Variants in SLC9A9 observed in about 807,000 individuals in gnomAD.
The protein encoded by SLC9A9 is sodium/hydrogen exchanger 9.
A neutral mutation model predicts 77.8 loss-of-function variants in SLC9A9; 62 were observed. That is an observed-to-expected ratio of 0.80 (90% CI 0.65 to 0.98). The LOEUF (loss-of-function observed/expected upper bound fraction) is 0.98. Ranked by LOEUF, SLC9A9 falls within the 50% of genes least tolerant of loss-of-function variation. The pLI, the probability that SLC9A9 is intolerant of heterozygous loss-of-function variation, is 0.00. For synonymous variants in SLC9A9, 320 were observed against 283.5 expected (o/e 1.13, Z -1.29); for missense variants, 775 against 774.9 (o/e 1.00, Z 0.00).
Position 143,623,763 on chromosome 3 carries a change from T to C in SLC9A9, c.755+28492A>G, listed in dbSNP as rs55687369. ...AGCAGAAGGCAAGAAATAGCTAAGATCAGAGCAGAACTGAAGGAAATAGAG... is the reference window on the plus strand; with the variant it reads ...AGCAGAAGGCAAGAAATAGCTAAGACCAGAGCAGAACTGAAGGAAATAGAG... On this transcript the variant is annotated intron_variant, in intron 6 of 15. Transcript: ENST00000316549. 7.3e-3 allele frequency among the ~76,000 whole-genome samples: 1,115 copies of C among 151,972 alleles called. 5 individuals carry two copies. The highest frequency in any genetic ancestry group is 0.012 in the Non-Finnish European group (819 of 67,972).
At chr3:143,412,686 C>T (rs2034117732) in intron 12 of SLC9A9, among the ~76,000 whole-genome samples, 1 of 152,196 alleles carries the variant, frequency 6.6e-6, no homozygotes, top group Non-Finnish European at 1.5e-5. Flanking sequence ...TTATTCCTCC[C>T]TCTTTAGCGC....
intron 14 of SLC9A9, among the ~76,000 whole-genome samples, chr3:143,336,865 G>A (rs729511): frequency 0.53 from 80,978 of 151,876 alleles, 23,196 homozygotes; most frequent in African/African-American, 0.74. Context: ...TTAAAAATGC[G>A]AAGGTGGTAA....
chr3:143,621,071 G>A (rs1051922338), intron 6 of SLC9A9, among the ~76,000 whole-genome samples: 2 of 152,192 alleles, frequency 1.3e-5, no homozygotes, highest in East Asian at 3.9e-4. Flanking sequence ...CTGGGGGAGG[G>A]GCGCCCACCA....
intron 14 of SLC9A9, among the ~76,000 whole-genome samples, chr3:143,341,773 A>G (rs887361520): frequency 6.6e-6 from 1 of 152,206 alleles, no homozygotes; most frequent in East Asian, 1.9e-4. Context: ...GTAATACTTA[A>G]TATTATGATA....
At chr3:143,637,858 C>T (rs2038551246) in intron 6 of SLC9A9, among the ~76,000 whole-genome samples, 2 of 152,104 alleles carry the variant, frequency 1.3e-5, no homozygotes, top group African/African-American at 2.4e-5. Context: ...AGAAGTAAAA[C>T]ACATACTTTC....
chr3:143,427,869 A>G (rs895829605), intron 12 of SLC9A9, among the ~76,000 whole-genome samples: 2 of 152,186 alleles, frequency 1.3e-5, no homozygotes, highest in Non-Finnish European at 2.9e-5. Context: ...TCTGCTCAAG[A>G]AACTACCCCT....
Position 143,796,826 on chromosome 3 carries a change from C to G in SLC9A9, c.456G>C (p.Lys152Asn). 1.3e-6 allele frequency: 2 copies of G among 1,596,598 alleles called. No homozygotes were observed. Among genetic ancestry groups the G allele is most frequent in the Non-Finnish European group, 1.7e-6 (2 of 1,166,658 alleles). ...IIFHAGYSLK[K>N]RHFFQNLGSI... ...AAGAAAATGATCACTATATATTTAC[C>G]TTCTTTAGACTATATCCTGCATGAA... is the stretch of plus-strand genomic sequence containing the variant. Residue 152 changes from lysine (K) to asparagine (N), a missense_variant and splice_region_variant, in exon 3 of 16, where the codon AAG (lysine) becomes AAC (asparagine). Transcript: ENST00000316549.
At chr3:143,708,707 G>C (rs1562495) in intron 4 of SLC9A9, among the ~76,000 whole-genome samples, 89,869 of 151,972 alleles carry the variant, frequency 0.59, 26,821 homozygotes, top group Non-Finnish European at 0.61. Flanking sequence ...TGACTAATTT[G>C]AGAGACAACA....
intron 12 of SLC9A9, among the ~76,000 whole-genome samples, chr3:143,450,923 T>TA (rs1559922551): frequency 6.6e-6 from 1 of 152,130 alleles, no homozygotes; most frequent in Admixed American, 6.6e-5. Flanking sequence ...TGGTTTACCT[T>TA]AGGGGGACTC....
intron 14 of SLC9A9, among the ~76,000 whole-genome samples, chr3:143,363,201 A>G (rs2032801246): frequency 6.6e-6 from 1 of 152,252 alleles, no homozygotes; most frequent in South Asian, 2.1e-4. Context: ...ACAGCAAAAC[A>G]GCTTCTTCAG....
chr3:143,722,971 G>A lies in SLC9A9; in HGVS notation c.534-29664C>T, dbSNP rs554844627. 1.6e-4 allele frequency among the ~76,000 whole-genome samples: 24 copies of A among 151,990 alleles called. No homozygotes were observed. In the South Asian group the frequency reaches 3.5e-3, roughly 22 times the overall value. On this transcript the variant is annotated intron_variant, in intron 4 of 15. Coordinates refer to ENST00000316549, the MANE Select transcript of SLC9A9 (RefSeq NM_173653.4). ...TCCCATATCACCAGTTGTAACTTTC[G>A]CCAATGCTACCTATTTTTTTCTGTA...
At chr3:143,724,749 T>A (rs1934592694) in intron 4 of SLC9A9, among the ~76,000 whole-genome samples, 1 of 152,210 alleles carries the variant, frequency 6.6e-6, no homozygotes, top group Non-Finnish European at 1.5e-5. Flanking sequence ...AACAATTAAC[T>A]TTTATGAAAA....
At chr3:143,295,737 CCT>C (rs1337614890) in intron 14 of SLC9A9, among the ~76,000 whole-genome samples, 3 of 152,100 alleles carry the variant, frequency 2.0e-5, no homozygotes, top group East Asian at 3.9e-4. Context: ...TCTTTCCTTC[CCT>C]CTCTTTCACT....
intron 4 of SLC9A9, among the ~76,000 whole-genome samples, chr3:143,710,758 T>C (rs79553359): frequency 0.01 from 1,569 of 152,344 alleles, 33 homozygotes; most frequent in African/African-American, 0.036. Context: ...GAATAAAACT[T>C]GTGATTTGAA....
At chr3:143,512,509 T>A (rs2036132839) in intron 9 of SLC9A9, among the ~76,000 whole-genome samples, 1 of 152,216 alleles carries the variant, frequency 6.6e-6, no homozygotes, top group East Asian at 1.9e-4. Context: ...CAATTTTTGG[T>A]TTCACAGTGT....
At chr3:143,418,038 G>C (rs1386199388) in intron 12 of SLC9A9, among the ~76,000 whole-genome samples, 1 of 151,440 alleles carries the variant, frequency 6.6e-6, no homozygotes, top group Non-Finnish European at 1.5e-5. Context: ...TCTGTTTTGA[G>C]CACCAAAAAG....
chr3:143,521,213 A>G (rs2036293646), intron 9 of SLC9A9, among the ~76,000 whole-genome samples: 1 of 152,162 alleles, frequency 6.6e-6, no homozygotes, highest in African/African-American at 2.4e-5. Flanking sequence ...TTTCATATTT[A>G]AATCTTTAAT....
intron 8 of SLC9A9, among the ~76,000 whole-genome samples, chr3:143,556,365 G>A (rs1026312524): frequency 2.6e-5 from 4 of 152,280 alleles, no homozygotes; most frequent in East Asian, 1.9e-4. Flanking sequence ...TGGCACAGGG[G>A]CCCTATAAAC....
At chr3:143,620,904 G>C (rs1395154978) in intron 6 of SLC9A9, among the ~76,000 whole-genome samples, 1 of 152,138 alleles carries the variant, frequency 6.6e-6, no homozygotes, top group African/African-American at 2.4e-5. Flanking sequence ...GGAAAATCGG[G>C]TCACTCCCAC....
Sources: gnomAD v4.1 joint callset for allele counts (sites outside exome capture counted in the v4.1 genomes callset) on GRCh38, gnomAD v4.1.1 for gene constraint, MANE v1.5 for transcripts, NCBI Gene and HGNC (gene_info 2026-07-23, HGNC 2026-07-21) for gene names.